TMEM218: variants seen among roughly 807,000 people sequenced by gnomAD.
TMEM218 encodes transmembrane protein 218.
A neutral mutation model predicts 10.0 loss-of-function variants in TMEM218; 8 were observed. The ratio of observed to expected loss-of-function variants is 0.80; its 90% confidence interval spans 0.47 to 1.44. The LOEUF is 1.44. TMEM218 is among the 40% of genes most tolerant of loss of function. The pLI is 0.00. For synonymous variants in TMEM218, 66 were observed against 63.5 expected (o/e 1.04, Z -0.18); for missense variants, 110 against 140.1 (o/e 0.79, Z 1.08).
intron 1 of TMEM218, among the ~76,000 whole-genome samples, chr11:125,105,817 G>A (rs1334840565): frequency 6.6e-6 from 1 of 152,058 alleles, no homozygotes; most frequent in Non-Finnish European, 1.5e-5. Context: ...TGGGTGTGAG[G>A]TGGGTGGCAG....
chr11:125,109,897 G>A (rs1953324353), intron 1 of TMEM218, among the ~76,000 whole-genome samples: 1 of 152,250 alleles, frequency 6.6e-6, no homozygotes, highest in Non-Finnish European at 1.5e-5. Flanking sequence ...CATTAGAAAT[G>A]TTGCCCTTCA....
intron 1 of TMEM218, chr11:125,103,690 G>A (rs1951425563): frequency 1.3e-5 from 2 of 152,192 alleles, no homozygotes; most frequent in South Asian, 2.1e-4. Context: ...CCAGGGGTGA[G>A]GATGCGGACA....
Position 125,097,644 on chromosome 11 carries a change from G to T in TMEM218, c.310C>A (p.Leu104Met), listed in dbSNP as rs1949834185. ...AGTGGTTTGGCATAGATCGGCTCCA[G>T]AACATAATGGATTAAAACCAAGAAG... is the stretch of plus-strand genomic sequence containing the variant. ...GLFLVLIHYV[L>M]EPIYAKPLHS... The change falls in exon 5 of 5, where the codon CTG becomes ATG. Residue 104 changes from leucine (L) to methionine (M), a missense_variant. Physicochemically the swap from Leu to Met is conservative, Grantham distance 15. Transcript: ENST00000682305. 1 of 1,614,148 alleles carries T rather than the reference G, an allele frequency of 6.2e-7. No individual in the cohort carries two copies.
At chr11:125,102,042 G>T in intron 3 of TMEM218, 90 bp downstream of exon 3, 1 of 1,377,468 alleles carries the variant, frequency 7.3e-7, no homozygotes, top group South Asian at 1.7e-5. Context: ...TTACAAAACT[G>T]ATCTCTTAAA....
rs904508671 is a variant in TMEM218 at position 125,108,291 on chromosome 11, G to A, written c.-153+3248C>T. ...ATTTGTGAGAACTTCCTACAGCACA[G>A]AGTTGGCTTTATGATTCAATGGGTA... is the stretch of plus-strand genomic sequence containing the variant. On this transcript the variant is annotated intron_variant, in intron 1 of 4. Coordinates refer to ENST00000682305, the MANE Select transcript of TMEM218 (RefSeq NM_001258244.2). The surrounding 1 kb of genome is among the most constrained non-coding windows in gnomAD (Gnocchi z 5.3). 2.0e-5 allele frequency among the ~76,000 whole-genome samples: 3 copies of A among 152,218 alleles called. No homozygotes were observed. The highest frequency in any genetic ancestry group is 7.2e-5 in the African/African-American group (3 of 41,464).
chr11:125,107,977 C>G (rs992596178), intron 1 of TMEM218, among the ~76,000 whole-genome samples: 1 of 151,192 alleles, frequency 6.6e-6, no homozygotes, highest in Non-Finnish European at 1.5e-5. Flanking sequence ...TGGGATGGTT[C>G]AATTAAAAAA....
At chr11:125,110,986 C>G (rs907816162) in intron 1 of TMEM218, among the ~76,000 whole-genome samples, 6 of 152,054 alleles carry the variant, frequency 3.9e-5, no homozygotes, top group Non-Finnish European at 5.9e-5. Flanking sequence ...AAATCAGTTG[C>G]CAAGCTCCCA....
rs146399071 is a variant in TMEM218 at position 125,096,471 on chromosome 11, G to T, written c.*1135C>A. Reference sequence around the variant, plus strand: ...TGTTAGGTGAAGGTTGGGCAAGTCAGCTGATCTCTTTAAGCTTCCATTTTT... The same window carrying T: ...TGTTAGGTGAAGGTTGGGCAAGTCATCTGATCTCTTTAAGCTTCCATTTTT... On this transcript the variant is annotated 3_prime_UTR_variant, in exon 5 of 5. Transcript: ENST00000682305. 26 of 151,880 alleles carry T rather than the reference G, an allele frequency of 1.7e-4. No homozygotes were observed. The highest frequency in any genetic ancestry group is 6.3e-4 in the African/African-American group (26 of 41,548). 9.4% of individuals were successfully genotyped at this position (151,880 alleles called of 1,614,324 possible).
At chr11:125,102,859 T>C (rs1951137277) in intron 1 of TMEM218, 50 bp from the exon 2 acceptor site, 3 of 470,642 alleles carry the variant, frequency 6.4e-6, no homozygotes, top group Non-Finnish European at 1.1e-5. Flanking sequence ...CACTGTGTGC[T>C]AAGTGCCGTA....
intron 4 of TMEM218, 41 bp downstream of exon 4, chr11:125,101,160 G>A: frequency 6.5e-7 from 1 of 1,541,422 alleles, no homozygotes; most frequent in Admixed American, 1.7e-5. Context: ...AGAGAAATAA[G>A]AATCACAGCT....
chr11:125,107,162 T>A (rs1350704891), intron 1 of TMEM218, among the ~76,000 whole-genome samples: 2 of 152,176 alleles, frequency 1.3e-5, no homozygotes, highest in Admixed American at 1.3e-4. Flanking sequence ...TTTTAGGGGC[T>A]GGAGGTCAGG....
At chr11:125,099,178 A>G (rs932925126) in intron 4 of TMEM218, among the ~76,000 whole-genome samples, 4 of 152,204 alleles carry the variant, frequency 2.6e-5, no homozygotes, top group Admixed American at 6.5e-5. Context: ...GTCCAAAGAC[A>G]CCTCAGCTGC....
At position 125,102,796 on chromosome 11, in the gene TMEM218, G is replaced by C; in HGVS notation, c.-139C>G. ...TTGTCGAGTTCTTATTCAAGAGGAT[G>C]AAAACTCCCAGTCCTTAAAGAAGAG... On this transcript the variant is annotated 5_prime_UTR_variant, in exon 2 of 5. Transcript: ENST00000682305. The C allele has an allele frequency of 1.0e-6, 1 of 977,024 alleles. No homozygotes were observed. Among genetic ancestry groups the C allele is most frequent in the Non-Finnish European group, 1.4e-6 (1 of 723,004 alleles). 60.5% of individuals were successfully genotyped at this position (977,024 alleles called of 1,614,324 possible). A position where few individuals can be genotyped will look rare whatever the true frequency, so the allele number is the denominator to read the frequency against.
At chr11:125,099,921 CA>C (rs34211632) in intron 4 of TMEM218, among the ~76,000 whole-genome samples, 96 of 100,358 alleles carry the variant, frequency 9.6e-4, no homozygotes, top group East Asian at 3.9e-3. Context: ...GAGACTGTCT[CA>C]AAAAAAAAAA....
At chr11:125,101,833 C>T in intron 3 of TMEM218, 4 of 483,996 alleles carry the variant, frequency 8.3e-6, no homozygotes, top group Non-Finnish European at 1.4e-5. Context: ...CAAGCCTCTG[C>T]CATAAATCTG....
rs1277739303 is a variant in TMEM218 at position 125,096,022 on chromosome 11, T to C, written c.*1584A>G. Among the ~76,000 whole-genome samples the C allele has an allele frequency of 6.6e-6, 1 of 152,216 alleles. No homozygotes were observed. Among genetic ancestry groups the C allele is most frequent in the Admixed American group, 6.5e-5 (1 of 15,286 alleles). ...TCTCAATTCCCTCAAGACTTATGCA[T>C]TCTTTTTTCTCTCCCTCAATCTGCT... On this transcript the variant is annotated 3_prime_UTR_variant, in exon 5 of 5. Transcript: ENST00000682305.
In TMEM218 at chr11:125,102,456, A is replaced by C. The variant is rs1207885577; in HGVS notation, c.-76-139T>G. ...GTCCAGTCCCAGAGTCCCTTAATGG[A>C]AACTGGAAATTTAGAACCCAAAGCC... On this transcript the variant is annotated intron_variant, in intron 2 of 4. Transcript: ENST00000682305. 1.8e-5 allele frequency: 26 copies of C among 1,482,624 alleles called. 1 individual carries two copies. The highest frequency in any genetic ancestry group is 2.2e-5 in the Non-Finnish European group (25 of 1,126,600). 91.8% of individuals were successfully genotyped at this position (1,482,624 alleles called of 1,614,324 possible).
At chr11:125,102,703 G>A in intron 2 of TMEM218, 31 bp downstream of exon 2, 1 of 1,290,810 alleles carries the variant, frequency 7.7e-7, no homozygotes, top group Non-Finnish European at 1.0e-6. Flanking sequence ...GAAGCTCTCA[G>A]GTTAAATCCA....
chr11:125,102,598 C>G (rs1484344562), intron 2 of TMEM218, 136 bp downstream of exon 2: 1 of 1,317,518 alleles, frequency 7.6e-7, no homozygotes, highest in South Asian at 1.2e-5. Flanking sequence ...CCCCAGCCCA[C>G]GGGAGAAAGC....
Sources: gnomAD v4.1 joint callset for allele counts (sites outside exome capture counted in the v4.1 genomes callset) on GRCh38, gnomAD v4.1.1 for gene constraint, Gnocchi (gnomAD v3.1) non-coding constraint, MANE v1.5 for transcripts, NCBI Gene and HGNC (gene_info 2026-07-23, HGNC 2026-07-21) for gene names.